Variants in SNTG1 observed in about 807,000 individuals in gnomAD.
SNTG1 encodes gamma-1-syntrophin.
Under a neutral mutation model 74.7 loss-of-function variants are expected in SNTG1, and 39 were observed. That is an observed-to-expected ratio of 0.52 (90% CI 0.40 to 0.68). The LOEUF (loss-of-function observed/expected upper bound fraction) is 0.68. Ranked by LOEUF, SNTG1 falls within the 30% of genes least tolerant of loss-of-function variation. The pLI is 0.00. For synonymous variants in SNTG1, 254 were observed against 217.1 expected (o/e 1.17, Z -1.49); for missense variants, 685 against 609.5 (o/e 1.12, Z -1.30).
intron 2 of SNTG1, among the ~76,000 whole-genome samples, chr8:50,261,367 A>G (rs542679022): frequency 3.3e-5 from 5 of 152,304 alleles, no homozygotes; most frequent in African/African-American, 1.2e-4. Context: ...AATTGTGGAT[A>G]TTGTTGTTAG....
intron 2 of SNTG1, among the ~76,000 whole-genome samples, chr8:50,259,843 T>G (rs2087092953): frequency 6.6e-6 from 1 of 152,098 alleles, no homozygotes. Context: ...AATCACAATT[T>G]TTTTGGAATA....
intron 18 of SNTG1, among the ~76,000 whole-genome samples, chr8:50,762,107 C>T (rs757851997): frequency 1.3e-5 from 2 of 151,078 alleles, no homozygotes; most frequent in South Asian, 2.2e-4. Context: ...GGTTCTGAGA[C>T]AGTGAAGAAA....
At chr8:50,461,780 T>C (rs2093565204) in intron 8 of SNTG1, among the ~76,000 whole-genome samples, 1 of 152,052 alleles carries the variant, frequency 6.6e-6, no homozygotes, top group Non-Finnish European at 1.5e-5. Flanking sequence ...CTAACATACT[T>C]TTCAGGCTGA....
intron 1 of SNTG1, among the ~76,000 whole-genome samples, chr8:49,981,745 T>G (rs533282505): frequency 2.5e-4 from 38 of 152,320 alleles, no homozygotes; most frequent in African/African-American, 8.4e-4. Context: ...ATGAAATATT[T>G]TCCTGTTCCT....
intron 2 of SNTG1, among the ~76,000 whole-genome samples, chr8:50,191,456 G>T (rs2083573565): frequency 6.6e-6 from 1 of 152,088 alleles, no homozygotes; most frequent in Admixed American, 6.6e-5. Flanking sequence ...AGCACTACTG[G>T]AAATAGTTCG....
intron 17 of SNTG1, among the ~76,000 whole-genome samples, chr8:50,730,881 A>G (rs542477095): frequency 6.6e-6 from 1 of 152,284 alleles, no homozygotes; most frequent in East Asian, 1.9e-4. Context: ...CTACTAAACT[A>G]GTTTGAAATA....
chr8:50,027,197 T>C (rs1817343973), intron 1 of SNTG1, among the ~76,000 whole-genome samples: 1 of 152,208 alleles, frequency 6.6e-6, no homozygotes, highest in South Asian at 2.1e-4. Flanking sequence ...AGTTCATTTT[T>C]AGAGCAAAAT....
intron 17 of SNTG1, among the ~76,000 whole-genome samples, chr8:50,731,243 A>G (rs2095512175): frequency 6.6e-6 from 1 of 152,078 alleles, no homozygotes; most frequent in African/African-American, 2.4e-5. Context: ...CCTGGAGAAG[A>G]GGGCACAAAA....
chr8:50,454,996 T>C (rs2093491969), intron 8 of SNTG1, among the ~76,000 whole-genome samples: 1 of 152,154 alleles, frequency 6.6e-6, no homozygotes, highest in African/African-American at 2.4e-5. Flanking sequence ...CTTTAGATTT[T>C]AATAATTGAG....
intron 1 of SNTG1, among the ~76,000 whole-genome samples, chr8:49,991,218 G>A (rs1460237051): frequency 6.6e-6 from 1 of 152,098 alleles, no homozygotes; most frequent in East Asian, 1.9e-4. Context: ...CCTGCCAGTT[G>A]CAAATCAAAA....
rs191325304 is a variant in SNTG1 at position 49,913,456 on chromosome 8, C to T, written c.-103+1225C>T. Among the ~76,000 whole-genome samples the T allele has an allele frequency of 3.4e-3, 522 of 152,226 alleles. 3 individuals carry two copies. The highest frequency in any genetic ancestry group is 0.012 in the African/African-American group (500 of 41,534). ...GTGGCATTCATTGGTGGGGTGATGT[C>T]CTCTTGTTTTATGTTGGCTGAGTGT... On this transcript the variant is annotated intron_variant, in intron 1 of 18. Coordinates refer to ENST00000642720, the MANE Select transcript of SNTG1 (RefSeq NM_018967.5).
At chr8:50,134,105 C>T (rs1052274473) in intron 1 of SNTG1, among the ~76,000 whole-genome samples, 1 of 152,126 alleles carries the variant, frequency 6.6e-6, no homozygotes, top group Admixed American at 6.5e-5. Flanking sequence ...ATATGCCATT[C>T]ATGGAACTCA....
chr8:50,413,436 T>G (rs1323707122), intron 4 of SNTG1, among the ~76,000 whole-genome samples: 2 of 152,224 alleles, frequency 1.3e-5, no homozygotes, highest in African/African-American at 4.8e-5. Flanking sequence ...TGAGAAAGTC[T>G]GCCATCTATC....
intron 2 of SNTG1, among the ~76,000 whole-genome samples, chr8:50,203,519 C>T (rs1353535808): frequency 6.6e-6 from 1 of 152,024 alleles, no homozygotes; most frequent in Non-Finnish European, 1.5e-5. Flanking sequence ...TTTTATACAT[C>T]AGACGTGAAA....
intron 1 of SNTG1, among the ~76,000 whole-genome samples, chr8:50,130,690 G>A (rs2081288647): frequency 6.6e-6 from 1 of 152,026 alleles, no homozygotes; most frequent in Non-Finnish European, 1.5e-5. Context: ...TCTGAAAGAG[G>A]TACTTGAGGA....
At chr8:50,176,572 T>C (rs1203802974) in intron 2 of SNTG1, among the ~76,000 whole-genome samples, 1 of 152,100 alleles carries the variant, frequency 6.6e-6, no homozygotes, top group African/African-American at 2.4e-5. Flanking sequence ...AGCAGTGAGG[T>C]TCCCCTAGAC....
chr8:50,177,218 G>T (rs2083030654), intron 2 of SNTG1, among the ~76,000 whole-genome samples: 1 of 152,208 alleles, frequency 6.6e-6, no homozygotes, highest in Admixed American at 6.5e-5. Context: ...CTGGAGCATG[G>T]CAGCTGAAAT....
At chr8:50,424,299 A>AAAAC (rs978666682) in intron 4 of SNTG1, among the ~76,000 whole-genome samples, 7 of 152,248 alleles carry the variant, frequency 4.6e-5, no homozygotes, top group East Asian at 1.9e-4. Context: ...CTTTTCAGAC[A>AAAAC]AAACAAACAA....
At chr8:50,413,880 C>T (rs2092982112) in intron 4 of SNTG1, among the ~76,000 whole-genome samples, 1 of 152,120 alleles carries the variant, frequency 6.6e-6, no homozygotes, top group African/African-American at 2.4e-5. Context: ...CTGATTCTGG[C>T]TATTATGATT....
Sources: gnomAD v4.1 joint callset for allele counts (sites outside exome capture counted in the v4.1 genomes callset) on GRCh38, gnomAD v4.1.1 for gene constraint, MANE v1.5 for transcripts, NCBI Gene and HGNC (gene_info 2026-07-23, HGNC 2026-07-21) for gene names.